ASTN2: variants seen among roughly 807,000 people sequenced by gnomAD.
ASTN2 encodes the protein astrotactin-2.
A neutral mutation model predicts 139.8 loss-of-function variants in ASTN2; 54 were observed. That is an observed-to-expected ratio of 0.39 (90% CI 0.31 to 0.48). The LOEUF is 0.48. ASTN2 is among the 20% of genes least tolerant of loss of function. The pLI, the probability that ASTN2 is intolerant of heterozygous loss-of-function variation, is 0.95. For synonymous variants in ASTN2, 756 were observed against 719.5 expected, an observed-to-expected ratio of 1.05 and a Z score of -0.81; for missense variants, 1,565 against 1,725.1, an observed-to-expected ratio of 0.91 and a Z score of 1.64.
At chr9:116,759,344 T>C (rs1431044858) in intron 13 of ASTN2, among the ~76,000 whole-genome samples, 1 of 152,214 alleles carries the variant, frequency 6.6e-6, no homozygotes, top group Non-Finnish European at 1.5e-5. Flanking sequence ...TGAGGGGCAC[T>C]GAGCTGTAAA....
chr9:116,629,439 T>A (rs1856627992), intron 17 of ASTN2, among the ~76,000 whole-genome samples: 1 of 152,078 alleles, frequency 6.6e-6, no homozygotes, highest in Non-Finnish European at 1.5e-5. Flanking sequence ...TTCTTACAGA[T>A]GAGCAAGTGA....
intron 10 of ASTN2, among the ~76,000 whole-genome samples, chr9:116,933,890 T>G (rs867468714): frequency 6.6e-6 from 1 of 151,514 alleles, no homozygotes; most frequent in Non-Finnish European, 1.5e-5. Context: ...AATAAAAAAA[T>G]TTAATACTTG....
chr9:116,434,412 C>T (rs934931845), intron 22 of ASTN2, among the ~76,000 whole-genome samples: 10 of 152,062 alleles, frequency 6.6e-5, no homozygotes, highest in African/African-American at 2.4e-4. Context: ...CAGTGACATC[C>T]CAGGTTTGTT....
chr9:116,431,655 C>T (rs992622921), intron 22 of ASTN2, among the ~76,000 whole-genome samples: 3 of 152,150 alleles, frequency 2.0e-5, no homozygotes, highest in Non-Finnish European at 4.4e-5. Flanking sequence ...CAACAATCTG[C>T]GGGTCAGAGA....
chr9:117,129,353 A>C (rs929505804), intron 4 of ASTN2, among the ~76,000 whole-genome samples: 2 of 152,186 alleles, frequency 1.3e-5, no homozygotes, highest in African/African-American at 4.8e-5. Context: ...TTGATGTAAA[A>C]TAAACGACTT....
Position 116,425,611 on chromosome 9 carries a change from T to TA in ASTN2, c.*239dup, listed in dbSNP as rs768458065. The TA allele has an allele frequency of 6.2e-7, 1 of 1,613,010 alleles. No individual in the cohort carries two copies. Among genetic ancestry groups the TA allele is most frequent in the African/African-American group, 1.3e-5 (1 of 74,920 alleles). The stretch of plus-strand genomic sequence containing the variant: ...AGGTTTAAAAAGGAGAGACTTTTGA[T>TA]AGAGTCAAATAATATCTTTGAAAAA... On this transcript the variant is annotated 3_prime_UTR_variant, in exon 23 of 23. Coordinates refer to ENST00000313400, the MANE Select transcript of ASTN2 (RefSeq NM_001365068.1).
At chr9:116,668,584 T>C (rs1859011264) in intron 16 of ASTN2, among the ~76,000 whole-genome samples, 1 of 152,246 alleles carries the variant, frequency 6.6e-6, no homozygotes, top group South Asian at 2.1e-4. Flanking sequence ...ATATAGTACA[T>C]TGTCTGGATG....
intron 3 of ASTN2, among the ~76,000 whole-genome samples, chr9:117,190,810 T>C (rs1198064083): frequency 6.6e-6 from 1 of 152,130 alleles, no homozygotes; most frequent in Non-Finnish European, 1.5e-5. Context: ...GTTTTCTTTC[T>C]CCCCCATTGC....
chr9:116,571,030 T>C (rs151267846), intron 19 of ASTN2, among the ~76,000 whole-genome samples: 319 of 152,316 alleles, frequency 2.1e-3, no homozygotes, highest in Non-Finnish European at 3.9e-3. Flanking sequence ...AAGTCAGATA[T>C]GAACAGTAAG....
intron 7 of ASTN2, among the ~76,000 whole-genome samples, chr9:116,994,585 C>T (rs987039499): frequency 2.6e-5 from 4 of 152,214 alleles, no homozygotes; most frequent in African/African-American, 9.6e-5. Flanking sequence ...CCAGATGTGA[C>T]TGCTGAATAT....
At chr9:116,657,848 A>T (rs1162478294) in intron 16 of ASTN2, among the ~76,000 whole-genome samples, 4 of 152,014 alleles carry the variant, frequency 2.6e-5, no homozygotes, top group Non-Finnish European at 2.9e-5. Context: ...CTCAAAAAAA[A>T]GGAATATAAA....
chr9:117,060,585 C>CAGGCAGGCAGGAAGGAAGGAAGGAAGGA (rs373697206), intron 5 of ASTN2, among the ~76,000 whole-genome samples: 3 of 132,450 alleles, frequency 2.3e-5, no homozygotes, highest in South Asian at 2.6e-4. Context: ...GGAAAGAAGG[C>CAGGCAGGCAGGAAGGAAGGAAGGAAGGA]AGGAAGGAAG....
At chr9:117,345,402 C>T (rs1829184689) in intron 1 of ASTN2, among the ~76,000 whole-genome samples, 1 of 152,138 alleles carries the variant, frequency 6.6e-6, no homozygotes, top group Non-Finnish European at 1.5e-5. Context: ...TCTGAGAGCT[C>T]TCAATGTACC....
intron 6 of ASTN2, among the ~76,000 whole-genome samples, chr9:117,035,056 C>G (rs914655769): frequency 6.6e-6 from 1 of 152,184 alleles, no homozygotes; most frequent in Non-Finnish European, 1.5e-5. Context: ...TGATCCAGCA[C>G]CACGGACAGC....
chr9:116,626,154 G>GTTTTTTTTTTTTTTTTTTTTTTTTT (rs751026997), intron 17 of ASTN2, among the ~76,000 whole-genome samples: 1 of 34,414 alleles, frequency 2.9e-5, no homozygotes, highest in Non-Finnish European at 5.6e-5. Context: ...TAGTTTTTGT[G>GTTTTTTTTTTTTTTTTTTTTTTTTT]TTTTTTTTTT....
intron 10 of ASTN2, among the ~76,000 whole-genome samples, chr9:116,964,597 G>A (rs974571268): frequency 5.9e-5 from 9 of 152,120 alleles, no homozygotes; most frequent in Non-Finnish European, 1.2e-4. Flanking sequence ...AAAAATATGC[G>A]TCAGAAGATC....
At chr9:117,237,164 G>C (rs1307196652) in intron 2 of ASTN2, among the ~76,000 whole-genome samples, 1 of 152,118 alleles carries the variant, frequency 6.6e-6, no homozygotes, top group East Asian at 1.9e-4. Context: ...TGGAGCAAAA[G>C]TAATTGTGAT....
intron 5 of ASTN2, among the ~76,000 whole-genome samples, chr9:117,052,215 C>A (rs922346810): frequency 6.6e-6 from 1 of 151,784 alleles, no homozygotes; most frequent in Non-Finnish European, 1.5e-5. Context: ...CTGAGGTGGG[C>A]GGATCATGAG....
chr9:117,102,861 C>T (rs1829014509), intron 4 of ASTN2, among the ~76,000 whole-genome samples: 1 of 147,482 alleles, frequency 6.8e-6, no homozygotes, highest in Admixed American at 6.7e-5. Context: ...TTATATCTCA[C>T]AAAACGAAAA....
Sources: gnomAD v4.1 joint callset for allele counts (sites outside exome capture counted in the v4.1 genomes callset) on GRCh38, gnomAD v4.1.1 for gene constraint, MANE v1.5 for transcripts, NCBI Gene and HGNC (gene_info 2026-07-23, HGNC 2026-07-21) for gene names.